PROM1: variants seen among roughly 807,000 people sequenced by gnomAD.
The protein encoded by PROM1 is prominin-1.
PROM1 carries 105 observed loss-of-function variants against 116.9 expected under a neutral mutation model. That is an observed-to-expected ratio of 0.90 (90% CI 0.77 to 1.06). The LOEUF is 1.06. Among genes scored for constraint, PROM1 ranks in the 50% least tolerant of loss-of-function variants. The pLI is 0.00. For synonymous variants in PROM1, 393 were observed against 387.0 expected (o/e 1.02, Z -0.18); for missense variants, 1,122 against 1,045.2 (o/e 1.07, Z -1.01).
intron 1 of PROM1, among the ~76,000 whole-genome samples, chr4:16,081,497 AT>A (rs1464411266): frequency 2.0e-5 from 3 of 152,362 alleles, no homozygotes; most frequent in Non-Finnish European, 4.4e-5. Flanking sequence ...ACCAAAAGCA[AT>A]GGCAACAAAA....
intron 13 of PROM1, among the ~76,000 whole-genome samples, chr4:16,005,494 T>G (rs1386047451): frequency 6.1e-5 from 7 of 115,658 alleles, no homozygotes; most frequent in African/African-American, 2.4e-4. Flanking sequence ...TTTGTTTGTT[T>G]GGTGTGTGTG....
intron 27 of PROM1, among the ~76,000 whole-genome samples, chr4:15,970,725 C>T (rs905748841): frequency 6.6e-6 from 1 of 152,098 alleles, no homozygotes; most frequent in African/African-American, 2.4e-5. Context: ...CTCTAGATCA[C>T]TCAAAATACC....
chr4:15,974,962 G>A (rs577919079), intron 26 of PROM1, among the ~76,000 whole-genome samples: 12 of 152,278 alleles, frequency 7.9e-5, no homozygotes, highest in East Asian at 1.9e-4. Context: ...ATGAGGTGTC[G>A]GCTAATATCC....
At chr4:16,059,604 T>G (rs1487866519) in intron 2 of PROM1, among the ~76,000 whole-genome samples, 1 of 151,960 alleles carries the variant, frequency 6.6e-6, no homozygotes, top group Non-Finnish European at 1.5e-5. Context: ...CTGGAGAGGC[T>G]AAGGTGGGAG....
At chr4:15,975,402 G>A (rs1715856588) in intron 26 of PROM1, among the ~76,000 whole-genome samples, 1 of 152,150 alleles carries the variant, frequency 6.6e-6, no homozygotes, top group Non-Finnish European at 1.5e-5. Flanking sequence ...TGTATTTTTA[G>A]TAGAGATGAG....
intron 4 of PROM1, among the ~76,000 whole-genome samples, chr4:16,034,559 A>G (rs992323336): frequency 6.6e-6 from 1 of 152,142 alleles, no homozygotes; most frequent in African/African-American, 2.4e-5. Flanking sequence ...ACCTAAACAT[A>G]TTTTCATAAT....
chr4:16,004,865 CTCT>C (rs1724897296), intron 13 of PROM1, among the ~76,000 whole-genome samples: 4 of 137,486 alleles, frequency 2.9e-5, no homozygotes, highest in African/African-American at 8.3e-5. Flanking sequence ...TCCTTCCTCT[CTCT>C]CTCCCTCTCT....
intron 13 of PROM1, among the ~76,000 whole-genome samples, chr4:16,005,675 G>A (rs911283662): frequency 1.3e-5 from 2 of 152,136 alleles, no homozygotes; most frequent in African/African-American, 4.8e-5. Context: ...ACACGACTCA[G>A]GTTTTGGTTC....
At chr4:15,980,244 T>C (rs1323615944) in intron 24 of PROM1, 178 bp downstream of exon 24, 2 of 554,494 alleles carry the variant, frequency 3.6e-6, no homozygotes, top group East Asian at 3.1e-5. Flanking sequence ...AAAACAAGTA[T>C]AGAAAAATCA....
At chr4:16,044,246 T>C (rs1296084203) in intron 2 of PROM1, among the ~76,000 whole-genome samples, 1 of 152,238 alleles carries the variant, frequency 6.6e-6, no homozygotes, top group Non-Finnish European at 1.5e-5. Context: ...AATACATATG[T>C]AGATTCTGGC....
chr4:16,046,736 G>A (rs1488273183), intron 2 of PROM1, among the ~76,000 whole-genome samples: 3 of 152,144 alleles, frequency 2.0e-5, no homozygotes, highest in Admixed American at 6.6e-5. Context: ...TCACAAGCTC[G>A]AGGGAGACAA....
intron 9 of PROM1, among the ~76,000 whole-genome samples, 187 bp from the exon 10 acceptor site, chr4:16,016,427 A>G (rs1032575783): frequency 1.3e-5 from 2 of 152,316 alleles, no homozygotes; most frequent in Non-Finnish European, 2.9e-5. Context: ...GACAAGCACT[A>G]ATTTTTTGAT....
At chr4:16,008,799 A>T (rs1726145283) in intron 12 of PROM1, 150 bp downstream of exon 12, 4 of 724,252 alleles carry the variant, frequency 5.5e-6, no homozygotes, top group Non-Finnish European at 8.9e-6. Flanking sequence ...TCAAATTCTA[A>T]TGAACATAAA....
Position 16,041,722 on chromosome 4 carries a change from C to T in PROM1, c.221-2721G>A, listed in dbSNP as rs76456949. 8.6e-3 allele frequency among the ~76,000 whole-genome samples: 1,298 copies of T among 150,200 alleles called. 29 individuals carry two copies. Among genetic ancestry groups the T allele is most frequent in the Non-Finnish European group, 0.011 (713 of 67,704 alleles). ...ACAGTTATGCCACTGCACTCCAGCT[C>T]GGGTGACAGATCGAGACCCTGCCTC... On this transcript the variant is annotated intron_variant, in intron 2 of 27. Coordinates refer to ENST00000447510, the MANE Select transcript of PROM1 (RefSeq NM_006017.3).
chr4:15,986,104 A>T (rs1244882246), intron 20 of PROM1, 67 bp from the exon 21 acceptor site: 1 of 1,190,650 alleles, frequency 8.4e-7, no homozygotes, highest in Non-Finnish European at 1.2e-6. Context: ...CAATTTGCAT[A>T]TTGATTCAAG....
rs979098291 is a variant in PROM1, at chr4:15,992,436, A to G, written c.1768-45T>C. ...CAAATCAGTCCCTTATTCTCCAAGAATGTCACAAACCAAATGCTTTAAAAG... is the reference window on the plus strand; with the variant it reads ...CAAATCAGTCCCTTATTCTCCAAGAGTGTCACAAACCAAATGCTTTAAAAG... On this transcript the variant is annotated intron_variant, in intron 16 of 27. Transcript: ENST00000447510. 6.9e-6 allele frequency: 11 copies of G among 1,594,108 alleles called. No homozygotes were observed. In the Admixed American group the frequency reaches 8.6e-5, roughly 12 times the overall value.
At chr4:16,064,506 G>C (rs1038856747) in intron 2 of PROM1, among the ~76,000 whole-genome samples, 9 of 152,162 alleles carry the variant, frequency 5.9e-5, no homozygotes, top group African/African-American at 1.7e-4. Context: ...TCTTTTTCAC[G>C]ATCTGAGTAC....
chr4:16,017,882 C>T (rs16892805), intron 9 of PROM1, among the ~76,000 whole-genome samples: 1 of 151,942 alleles, frequency 6.6e-6, no homozygotes, highest in South Asian at 2.1e-4. Context: ...TAGACATGGT[C>T]ATTTTACCTA....
At chr4:15,994,802 C>A (rs1040686098) in intron 15 of PROM1, among the ~76,000 whole-genome samples, 6 of 152,228 alleles carry the variant, frequency 3.9e-5, no homozygotes, top group Non-Finnish European at 5.9e-5. Flanking sequence ...CCAGGGCCCT[C>A]TAGGCCTGAG....
Sources: gnomAD v4.1 joint callset for allele counts (sites outside exome capture counted in the v4.1 genomes callset) on GRCh38, gnomAD v4.1.1 for gene constraint, MANE v1.5 for transcripts, NCBI Gene and HGNC (gene_info 2026-07-23, HGNC 2026-07-21) for gene names.